The following FCRLB variants were observed in gnomAD, a reference collection of about 807,000 sequenced individuals.
The protein encoded by FCRLB is Fc receptor-like B.
FCRLB carries 34 observed loss-of-function variants against 33.6 expected under a neutral mutation model. The ratio of observed to expected loss-of-function variants is 1.01; its 90% CI spans 0.77 to 1.35. The LOEUF (loss-of-function observed/expected upper bound fraction) is 1.35, where lower values mean the gene tolerates loss of function less well. Among genes scored for constraint, FCRLB ranks in the 40% most tolerant of loss-of-function variants. FCRLB has a pLI of 0.00. For synonymous variants in FCRLB, 280 were observed against 255.9 expected, an observed-to-expected ratio of 1.09 and a Z score of -0.90; for missense variants, 560 against 580.2, an observed-to-expected ratio of 0.97 and a Z score of 0.36.
At chr1:161,722,126 A>G (rs1169501903) in intron 2 of FCRLB, among the ~76,000 whole-genome samples, 4 of 152,106 alleles carry the variant, frequency 2.6e-5, no homozygotes, top group Non-Finnish European at 4.4e-5. Flanking sequence ...CTTTTCGTCT[A>G]CTCATTGTGG....
intron 5 of FCRLB, among the ~76,000 whole-genome samples, chr1:161,724,258 TA>T (rs1557932011): frequency 6.6e-6 from 1 of 152,058 alleles, no homozygotes; most frequent in Non-Finnish European, 1.5e-5. Context: ...TGAAGGGTTT[TA>T]AAACAGGATA....
intron 5 of FCRLB, among the ~76,000 whole-genome samples, chr1:161,725,378 C>A (rs185258321): frequency 6.6e-6 from 1 of 152,144 alleles, no homozygotes; most frequent in African/African-American, 2.4e-5. Context: ...CGGTGGCTCA[C>A]GCCTGTAATC....
At chr1:161,721,921 A>C (rs1377947454) in intron 2 of FCRLB, 71 bp downstream of exon 2, 1 of 152,264 alleles carries the variant, frequency 6.6e-6, no homozygotes, top group Admixed American at 6.5e-5. Flanking sequence ...GGAAGAAAAG[A>C]ACAAGTGATT....
intron 2 of FCRLB, 61 bp from the exon 3 acceptor site, chr1:161,722,592 C>A: frequency 1.3e-6 from 2 of 1,528,472 alleles, no homozygotes; most frequent in Non-Finnish European, 1.8e-6. Flanking sequence ...GTGGCATCCA[C>A]TGGCCACATT....
chr1:161,721,792 C>T (rs1198474070), exon 2 of FCRLB: 3 of 152,172 alleles, frequency 2.0e-5, no homozygotes. Context: ...AGAAGTAGAG[C>T]CCCGAGGTCA....
At chr1:161,727,123 C>A (rs533062226) in intron 7 of FCRLB, 124 bp from the exon 8 acceptor site, 1 of 1,341,034 alleles carries the variant, frequency 7.5e-7, no homozygotes, top group Non-Finnish European at 9.7e-7. Context: ...TCCCCTTCGC[C>A]GCCCTCCTCC....
Position 161,726,490 on chromosome 1 carries a change from C to G in FCRLB, c.575-213C>G. 1 of 770,176 alleles carries G rather than the reference C, an allele frequency of 1.3e-6. No individual in the cohort carries two copies. Among genetic ancestry groups the G allele is most frequent in the Non-Finnish European group, 2.2e-6 (1 of 447,562 alleles). 47.7% of individuals were successfully genotyped at this position (770,176 alleles called of 1,614,324 possible). A position where few individuals can be genotyped will look rare whatever the true frequency, so the allele number is the denominator to read the frequency against. On this transcript the variant is annotated intron_variant, in intron 6 of 7. Coordinates refer to ENST00000367948, the Ensembl canonical transcript of FCRLB. This position sits in a 1 kb window ranked among gnomAD's most constrained non-coding sequence, Gnocchi z 5.2. ...GTGACATGAAGCGTCTGGCCTGGTC[C>G]CTCTTCCTTTCAAGCTTTCCCCGTC...
chr1:161,723,118 T>C, intron 4 of FCRLB, 109 bp downstream of exon 4: 1 of 1,381,284 alleles, frequency 7.2e-7, no homozygotes, highest in Middle Eastern at 1.8e-4. Context: ...GGATAGTGTC[T>C]CTTCCCACTC....
In FCRLB at chr1:161,726,718, C is replaced by G. The variant is rs1399448485; in HGVS notation, c.590C>G (p.Pro197Arg). The G allele has an allele frequency of 6.3e-7, 1 of 1,594,804 alleles. No individual in the cohort carries two copies. Among genetic ancestry groups the G allele is most frequent in the Non-Finnish European group, 8.5e-7 (1 of 1,175,426 alleles). ...CTCTCCGTAGAGCTGTTCCGGGCGC[C>G]GGTGCTGAGGGTGATGGGTCCGCGG... is the stretch of plus-strand genomic sequence containing the variant. Residue 197 changes from proline (P) to arginine (R), a missense_variant, in exon 7 of 8, where the codon CCG becomes CGG. Pro to Arg is a moderately radical substitution (Grantham distance 103). Coordinates refer to ENST00000367948, the Ensembl canonical transcript of FCRLB. This position sits in a 1 kb window ranked among gnomAD's most constrained non-coding sequence, Gnocchi z 5.2.
chr1:161,724,225 G>A (rs1683467803), intron 5 of FCRLB, among the ~76,000 whole-genome samples: 1 of 152,280 alleles, frequency 6.6e-6, no homozygotes, highest in East Asian at 1.9e-4. Flanking sequence ...GGAGTCAGCT[G>A]AGAAACTGAT....
chr1:161,727,454 C>T lies in FCRLB; in HGVS notation c.1073C>T (p.Thr358Met), dbSNP rs756871182. Residue 358 changes from threonine (T) to methionine (M), a missense_variant, in exon 8 of 8, where the codon ACG (threonine) becomes ATG (methionine). Thr to Met is a moderately conservative substitution (Grantham distance 81). Transcript: ENST00000367948. ...GGGCCACCCGCCTGCGCTCCGCCGA[C>T]GCCCTTGGAACAATCGGCTGGAGCC... The T allele has an allele frequency of 1.2e-5, 19 of 1,613,544 alleles. No homozygotes were observed. In the African/African-American group the frequency reaches 2.3e-4, roughly 19 times the overall value.
chr1:161,724,584 T>G (rs1683479287), intron 5 of FCRLB, among the ~76,000 whole-genome samples: 1 of 152,124 alleles, frequency 6.6e-6, no homozygotes, highest in South Asian at 2.1e-4. Flanking sequence ...TATTCAGAAT[T>G]TAAAGCACAT....
At chr1:161,727,339 C>G (rs940376645) in exon 8 of FCRLB, 1 of 1,613,798 alleles carries the variant, frequency 6.2e-7, no homozygotes, top group Middle Eastern at 1.6e-4. Context: ...CAGAAAGCCC[C>G]CGGTGTCCAG....
chr1:161,726,927 T>A lies in FCRLB; in HGVS notation c.799T>A (p.Cys267Ser). Reference sequence around the variant, plus strand: ...GGTCGAGGAGCTCGAATCGTACTGGTGCGAGGCGGCTACCGCCACCCGCAG... The same window carrying A: ...GGTCGAGGAGCTCGAATCGTACTGGAGCGAGGCGGCTACCGCCACCCGCAG... Residue 267 changes from cysteine (C) to serine (S), a missense_variant, in exon 7 of 8, where the codon TGC becomes AGC. Physicochemically the swap from Cys to Ser is moderately radical, Grantham distance 112. Transcript: ENST00000367948. The surrounding 1 kb of genome is among the most constrained non-coding windows in gnomAD (Gnocchi z 5.2). The A allele has an allele frequency of 6.4e-7, 1 of 1,565,236 alleles. No homozygotes were observed. The highest frequency in any genetic ancestry group is 8.7e-7 in the Non-Finnish European group (1 of 1,155,424).
Position 161,726,136 on chromosome 1 carries a change from A to T in FCRLB, c.574+49A>T. On this transcript the variant is annotated intron_variant, in intron 6 of 7. Coordinates refer to ENST00000367948, the Ensembl canonical transcript of FCRLB. The surrounding 1 kb of genome is among the most constrained non-coding windows in gnomAD (Gnocchi z 5.2). ...GAGGGAGGCAAATGAGCATTGAGAAATTCTGGGACAGGAGCTCGGCGAGAA... is the reference window on the plus strand; with the variant it reads ...GAGGGAGGCAAATGAGCATTGAGAATTTCTGGGACAGGAGCTCGGCGAGAA... The T allele has an allele frequency of 2.5e-6, 4 of 1,609,480 alleles. No homozygotes were observed. Among genetic ancestry groups the T allele is most frequent in the Non-Finnish European group, 3.4e-6 (4 of 1,176,866 alleles).
In FCRLB at chr1:161,722,100, G is replaced by A. The variant is rs140658746; in HGVS notation, c.-21+250G>A. Among the ~76,000 whole-genome samples, 55 of 152,332 alleles carry A rather than the reference G, an allele frequency of 3.6e-4. 1 individual carries two copies. In the Middle Eastern group the frequency reaches 0.014, roughly 38 times the overall value. On this transcript the variant is annotated intron_variant, in intron 2 of 7. Transcript: ENST00000367948. ...ACTAGATGATAGGGATGTGAAGGGT[G>A]GTTGGTGAGTCATGCCTTTTCGTCT... is the stretch of plus-strand genomic sequence containing the variant.
intron 7 of FCRLB, 22 bp downstream of exon 7, chr1:161,727,015 C>G (rs756526816): frequency 2.0e-6 from 3 of 1,482,954 alleles, no homozygotes; most frequent in East Asian, 2.4e-5. Flanking sequence ...CACACCCTCC[C>G]GGACGCCGAC....
Position 161,726,102 on chromosome 1 carries a change from G to T in FCRLB, c.574+15G>T. The T allele has an allele frequency of 6.2e-7, 1 of 1,605,646 alleles. No individual in the cohort carries two copies. Among genetic ancestry groups the T allele is most frequent in the Non-Finnish European group, 8.5e-7 (1 of 1,173,942 alleles). On this transcript the variant is annotated intron_variant, in intron 6 of 7. Coordinates refer to ENST00000367948, the Ensembl canonical transcript of FCRLB. This position sits in a 1 kb window ranked among gnomAD's most constrained non-coding sequence, Gnocchi z 5.2. The stretch of plus-strand genomic sequence containing the variant: ...GACAGTGCAAGGTGGGAGAGACCAG[G>T]GGCCCCGGGAGGGAGGCAAATGAGC...
Position 161,726,513 on chromosome 1 carries a change from G to A in FCRLB, c.575-190G>A. On this transcript the variant is annotated intron_variant, in intron 6 of 7. Coordinates refer to ENST00000367948, the Ensembl canonical transcript of FCRLB. The surrounding 1 kb of genome is among the most constrained non-coding windows in gnomAD (Gnocchi z 5.2). ...TCCCTCTTCCTTTCAAGCTTTCCCC[G>A]TCCCTCGTGGACTCGGTCCCCCTGC... 1 of 833,240 alleles carries A rather than the reference G, an allele frequency of 1.2e-6. No individual in the cohort carries two copies. Among genetic ancestry groups the A allele is most frequent in the Non-Finnish European group, 2.0e-6 (1 of 505,204 alleles). 51.6% of individuals were successfully genotyped at this position (833,240 alleles called of 1,614,324 possible).
Sources: gnomAD v4.1 joint callset for allele counts (sites outside exome capture counted in the v4.1 genomes callset) on GRCh38, gnomAD v4.1.1 for gene constraint, Gnocchi (gnomAD v3.1) non-coding constraint, MANE v1.5 for transcripts, NCBI Gene and HGNC (gene_info 2026-07-23, HGNC 2026-07-21) for gene names.